The following MID1 variants were observed in gnomAD, a reference collection of about 807,000 sequenced individuals.
MID1 encodes midline 1.
MID1 carries 7 observed loss-of-function variants against 40.4 expected under a neutral mutation model. The observed-to-expected ratio is 0.17, with a 90% CI of 0.10 to 0.33. The LOEUF is 0.33. Among genes scored for constraint, MID1 ranks in the 10% least tolerant of loss-of-function variants. The probability of loss-of-function intolerance (pLI) is 1.00; values close to 1 mark genes in which losing one functional copy is unlikely to be tolerated. For missense variants in MID1, 367 were observed against 558.5 expected (o/e 0.66, Z 3.46); for synonymous variants, 229 against 221.2 (o/e 1.04, Z -0.31).
At chrX:10,784,727 T>C (rs773218727) in intron 1 of MID1, among the ~76,000 whole-genome samples, 2 of 110,990 alleles carry the variant, frequency 1.8e-5, no homozygotes, top group South Asian at 7.7e-4. Context: ...ATTACAGGTG[T>C]AAGCCACCGC....
Position 10,506,187 on chromosome X carries a change from C to A in MID1, c.757-10496G>T, listed in dbSNP as rs995116157. ...CCAGTGATTCACATGTACGTTTATT[C>A]AAACACAATGAAAGAGACTTGAGTT... On this transcript the variant is annotated intron_variant, in intron 3 of 9. Transcript: ENST00000317552. 16 of 939,418 alleles carry A rather than the reference C, an allele frequency of 1.7e-5. No homozygotes were observed. The African/African-American group carries it at 2.7e-4, about 16-fold the overall frequency. The allele number at this position is 939,418 out of a possible 1,213,427, so 77.4% of individuals were successfully genotyped here.
intron 1 of MID1, among the ~76,000 whole-genome samples, chrX:10,574,921 T>C (rs1209297530): frequency 1.8e-5 from 2 of 112,258 alleles, no homozygotes; most frequent in Non-Finnish European, 3.8e-5. Flanking sequence ...TTTCCAAATA[T>C]CCTCTGGACT....
chrX:10,481,193 C>T (rs1043304294), intron 5 of MID1, among the ~76,000 whole-genome samples: 1 of 111,674 alleles, frequency 9.0e-6, no homozygotes, highest in Non-Finnish European at 1.9e-5. Context: ...ACCTGCAAAG[C>T]GGAAAAATAT....
chrX:10,557,761 G>A lies in MID1; in HGVS notation c.660+9127C>T, dbSNP rs757925040. Among the ~76,000 whole-genome samples the A allele has an allele frequency of 1.9e-4, 21 of 112,168 alleles. No individual in the cohort carries two copies. The Admixed American group carries it at 2.0e-3, about 11-fold the overall frequency. ...CACTGTGTCTTACTGCACTAGAAAA[G>A]CAGGAAAAGAATCACATTTGTGTCT... On this transcript the variant is annotated intron_variant, in intron 2 of 9. Transcript: ENST00000317552.
At chrX:10,628,353 G>C (rs777655077) in intron 1 of MID1, among the ~76,000 whole-genome samples, 1 of 110,899 alleles carries the variant, frequency 9.0e-6, no homozygotes, top group Non-Finnish European at 1.9e-5. Context: ...TTCAAATGAG[G>C]CTTCATTTTA....
intron 1 of MID1, among the ~76,000 whole-genome samples, chrX:10,766,978 G>A (rs1423357996): frequency 1.8e-5 from 2 of 110,129 alleles, no homozygotes; most frequent in Non-Finnish European, 3.8e-5. Context: ...ACACAGTGAC[G>A]CTAAAACGAA....
chrX:10,825,473 G>A (rs1165655110), intron 1 of MID1, among the ~76,000 whole-genome samples: 1 of 112,149 alleles, frequency 8.9e-6, no homozygotes, highest in Admixed American at 9.5e-5. Context: ...CTAGAAAAAC[G>A]GAATGGCAAA....
chrX:10,487,523 C>T (rs775135499), intron 4 of MID1, among the ~76,000 whole-genome samples: 21 of 111,382 alleles, frequency 1.9e-4, no homozygotes, highest in African/African-American at 6.9e-4. Context: ...ACTTAAAGTG[C>T]AAATTTGACA....
At chrX:10,811,487 C>T (rs756276723) in intron 1 of MID1, among the ~76,000 whole-genome samples, 3 of 112,330 alleles carry the variant, frequency 2.7e-5, no homozygotes, top group Non-Finnish European at 3.8e-5. Context: ...AGTGGAGAAG[C>T]TGGGATTCAA....
At chrX:10,695,022 A>G (rs7056349) in intron 1 of MID1, among the ~76,000 whole-genome samples, 18,025 of 111,656 alleles carry the variant, frequency 0.16, 2,395 homozygotes, top group African/African-American at 0.45. Context: ...CTGCTAAGAT[A>G]TAGAGTAGGT....
At chrX:10,474,081 G>A (rs189654669) in intron 6 of MID1, among the ~76,000 whole-genome samples, 175 of 111,925 alleles carry the variant, frequency 1.6e-3, no homozygotes, top group Non-Finnish European at 2.8e-3. Flanking sequence ...AGAAGTTTTT[G>A]GAGTTTGTAC....
intron 8 of MID1, among the ~76,000 whole-genome samples, chrX:10,456,844 TAAC>T (rs1928704926): frequency 9.1e-6 from 1 of 109,534 alleles, no homozygotes; most frequent in African/African-American, 3.4e-5. Flanking sequence ...CTCAAAAAAA[TAAC>T]AATAAAAAAG....
At position 10,776,531 on chromosome X, in the gene MID1, T is replaced by C. The variant is rs369958431; in HGVS notation, c.-187+57023A>G. Among the ~76,000 whole-genome samples the C allele has an allele frequency of 9.8e-5, 11 of 111,998 alleles. No homozygotes were observed. In the East Asian group the frequency reaches 1.7e-3, roughly 17 times the overall value. ...TTACATTACAATAAACTAGACACAG[T>C]CCTTAACTTTAAGTTTATTGTCCAG... On this transcript the variant is annotated intron_variant, in intron 1 of 10. Coordinates refer to the MID1 transcript ENST00000380785.
At chrX:10,680,597 C>A (rs1039594091) in intron 1 of MID1, among the ~76,000 whole-genome samples, 3 of 111,410 alleles carry the variant, frequency 2.7e-5, no homozygotes, top group East Asian at 5.6e-4. Context: ...TTTGCCATAG[C>A]ATTTTAGGTT....
At chrX:10,787,072 G>C (rs1290062623) in intron 1 of MID1, among the ~76,000 whole-genome samples, 1 of 111,455 alleles carries the variant, frequency 9.0e-6, no homozygotes, top group Non-Finnish European at 1.9e-5. Flanking sequence ...AGTAGGAAAA[G>C]ATACAGGTTT....
At chrX:10,649,163 A>G (rs1020250131) in intron 1 of MID1, among the ~76,000 whole-genome samples, 1 of 112,057 alleles carries the variant, frequency 8.9e-6, no homozygotes. Flanking sequence ...AATTTTCTCC[A>G]TAGAAGCAAA....
At chrX:10,512,098 A>G (rs1044578005) in intron 3 of MID1, among the ~76,000 whole-genome samples, 1 of 112,441 alleles carries the variant, frequency 8.9e-6, no homozygotes, top group Admixed American at 9.4e-5. Context: ...GAGGAAAAAA[A>G]GGAATTTACT....
intron 1 of MID1, among the ~76,000 whole-genome samples, chrX:10,724,254 T>A (rs1256085518): frequency 9.0e-6 from 1 of 111,212 alleles, no homozygotes; most frequent in African/African-American, 3.3e-5. Flanking sequence ...AGACGGGATT[T>A]CACCTTGTTG....
At chrX:10,669,998 G>C (rs1412285569) in intron 1 of MID1, among the ~76,000 whole-genome samples, 1 of 111,699 alleles carries the variant, frequency 9.0e-6, no homozygotes, top group Non-Finnish European at 1.9e-5. Context: ...AAGGACATGG[G>C]AGCAAGTCTT....
Sources: allele counts gnomAD v4.1 joint callset (sites outside exome capture counted in the v4.1 genomes callset), GRCh38; gene constraint gnomAD v4.1.1; transcripts MANE v1.5; gene names NCBI Gene and HGNC (gene_info 2026-07-23, HGNC 2026-07-21).